Variants in SNTG1 observed in about 807,000 individuals in gnomAD.
The protein encoded by SNTG1 is syntrophin gamma 1.
SNTG1 carries 39 observed loss-of-function variants against 74.7 expected under a neutral mutation model. The ratio of observed to expected loss-of-function variants is 0.52; its 90% confidence interval spans 0.40 to 0.68. SNTG1 has a LOEUF of 0.68. Among genes scored for constraint, SNTG1 ranks in the 30% least tolerant of loss-of-function variants. The probability of loss-of-function intolerance (pLI) is 0.00; values close to 1 mark genes in which losing one functional copy is unlikely to be tolerated. For synonymous variants in SNTG1, 254 were observed against 217.1 expected, an observed-to-expected ratio of 1.17 and a Z score of -1.49; for missense variants, 685 against 609.5, an observed-to-expected ratio of 1.12 and a Z score of -1.30.
At chr8:50,212,172 C>G (rs544988792) in intron 2 of SNTG1, among the ~76,000 whole-genome samples, 115 of 152,118 alleles carry the variant, frequency 7.6e-4, no homozygotes, top group African/African-American at 2.6e-3. Flanking sequence ...ATTTCTTGTA[C>G]AGTATCTGTT....
chr8:50,064,451 T>C (rs1026164185), intron 1 of SNTG1, among the ~76,000 whole-genome samples: 2 of 152,200 alleles, frequency 1.3e-5, no homozygotes, highest in African/African-American at 4.8e-5. Context: ...TGTACATTCA[T>C]CTCCTAATGA....
At chr8:49,917,131 G>A (rs1014346951) in intron 1 of SNTG1, among the ~76,000 whole-genome samples, 3 of 152,200 alleles carry the variant, frequency 2.0e-5, no homozygotes, top group East Asian at 1.9e-4. Flanking sequence ...GTATTTTATG[G>A]TTAAAAATGC....
chr8:50,532,887 C>T (rs771109564), intron 10 of SNTG1, among the ~76,000 whole-genome samples: 1 of 152,182 alleles, frequency 6.6e-6, no homozygotes, highest in Non-Finnish European at 1.5e-5. Context: ...GGCTCACAAA[C>T]TGCCTTTTCA....
At chr8:50,783,032 G>A (rs896353909) in intron 18 of SNTG1, among the ~76,000 whole-genome samples, 3 of 152,108 alleles carry the variant, frequency 2.0e-5, no homozygotes, top group Non-Finnish European at 4.4e-5. Flanking sequence ...TTCATGAACC[G>A]CAAATGCTGC....
At position 50,702,856 on chromosome 8, in the gene SNTG1, A is replaced by C. The variant is rs2095430825; in HGVS notation, c.1039-1744A>C. ...TGACTGTATTGAATACTGTAGGCAAAAGTAACATAATGGTAAGTAGTTGTT... is the reference window on the plus strand; with the variant it reads ...TGACTGTATTGAATACTGTAGGCAACAGTAACATAATGGTAAGTAGTTGTT... On this transcript the variant is annotated intron_variant, in intron 15 of 18. Coordinates refer to ENST00000642720, the MANE Select transcript of SNTG1 (RefSeq NM_018967.5). 2.6e-5 allele frequency among the ~76,000 whole-genome samples: 4 copies of C among 152,188 alleles called. No individual in the cohort carries two copies. The South Asian group carries it at 8.3e-4, about 31-fold the overall frequency.
chr8:50,783,052 G>A (rs995147015), intron 18 of SNTG1, among the ~76,000 whole-genome samples: 2 of 152,116 alleles, frequency 1.3e-5, no homozygotes, highest in Non-Finnish European at 2.9e-5. Flanking sequence ...CTGTCTGATC[G>A]TTCCTCTGAT....
rs1585465959 is a variant in SNTG1 at position 49,911,635 on chromosome 8, G to A, written c.-699G>A. The stretch of plus-strand genomic sequence containing the variant: ...CGGAAGACAAGGAAGCTGCTGCTTG[G>A]ATTCGCTGGTGGAGGAAAGTGCGAC... On this transcript the variant is annotated 5_prime_UTR_variant, in exon 1 of 19. Coordinates refer to ENST00000642720, the MANE Select transcript of SNTG1 (RefSeq NM_018967.5). The A allele has an allele frequency of 6.6e-6, 1 of 152,348 alleles. No individual in the cohort carries two copies. The highest frequency in any genetic ancestry group is 1.5e-5 in the Non-Finnish European group (1 of 68,080). 9.4% of individuals were successfully genotyped at this position (152,348 alleles called of 1,614,324 possible).
intron 15 of SNTG1, among the ~76,000 whole-genome samples, chr8:50,687,912 C>G (rs1212650345): frequency 6.6e-6 from 1 of 152,210 alleles, no homozygotes; most frequent in Non-Finnish European, 1.5e-5. Flanking sequence ...TCCTCTCCAG[C>G]ACCTGTTGTT....
chr8:50,770,929 CCA>C (rs2095625535), intron 18 of SNTG1, among the ~76,000 whole-genome samples: 2 of 152,246 alleles, frequency 1.3e-5, no homozygotes, highest in South Asian at 4.1e-4. Flanking sequence ...AAGGCAGTCA[CCA>C]GATGTGGCTG....
At chr8:50,516,479 G>A (rs2094134990) in intron 9 of SNTG1, among the ~76,000 whole-genome samples, 1 of 151,958 alleles carries the variant, frequency 6.6e-6, no homozygotes, top group Admixed American at 6.6e-5. Flanking sequence ...TTCAGAAGGT[G>A]GGTAATAACA....
chr8:50,588,115 G>A (rs150964062), intron 12 of SNTG1, among the ~76,000 whole-genome samples: 3,158 of 146,216 alleles, frequency 0.022, 57 homozygotes, highest in African/African-American at 0.045. Flanking sequence ...ATGAGACTCC[G>A]ACTCAAAAAA....
intron 18 of SNTG1, among the ~76,000 whole-genome samples, chr8:50,789,316 C>T (rs2095684774): frequency 6.6e-6 from 1 of 151,932 alleles, no homozygotes; most frequent in Non-Finnish European, 1.5e-5. Flanking sequence ...ACAGCTATTT[C>T]TTCTTTGCTG....
At chr8:49,980,663 A>C (rs994428312) in intron 1 of SNTG1, among the ~76,000 whole-genome samples, 1 of 151,992 alleles carries the variant, frequency 6.6e-6, no homozygotes, top group African/African-American at 2.4e-5. Flanking sequence ...AAATAAAATA[A>C]ATTGTACTTT....
chr8:50,248,426 TG>T (rs1207184556), intron 2 of SNTG1, among the ~76,000 whole-genome samples: 1 of 152,222 alleles, frequency 6.6e-6, no homozygotes, highest in East Asian at 1.9e-4. Flanking sequence ...TATACATCTT[TG>T]CATTTCCAAA....
intron 18 of SNTG1, among the ~76,000 whole-genome samples, chr8:50,763,304 C>G (rs1212959132): frequency 2.6e-5 from 4 of 151,840 alleles, no homozygotes; most frequent in Non-Finnish European, 5.9e-5. Flanking sequence ...CCTGAAGCCC[C>G]TGATACTCAG....
intron 1 of SNTG1, among the ~76,000 whole-genome samples, chr8:50,117,069 T>C (rs1393979859): frequency 6.6e-6 from 1 of 152,090 alleles, no homozygotes; most frequent in Admixed American, 6.6e-5. Context: ...AATTTTAACA[T>C]CACGGTTTAC....
intron 18 of SNTG1, among the ~76,000 whole-genome samples, chr8:50,759,780 A>G (rs1235445823): frequency 6.6e-6 from 1 of 152,102 alleles, no homozygotes; most frequent in Non-Finnish European, 1.5e-5. Context: ...AGGTAGCATG[A>G]TGCCTCCAGC....
At chr8:50,325,270 G>A (rs1279201580) in intron 2 of SNTG1, among the ~76,000 whole-genome samples, 1 of 151,402 alleles carries the variant, frequency 6.6e-6, no homozygotes, top group Non-Finnish European at 1.5e-5. Context: ...ACTCTCTAAG[G>A]CTTCTACTGG....
chr8:50,012,139 A>T (rs1043325370), intron 1 of SNTG1, among the ~76,000 whole-genome samples: 4 of 152,242 alleles, frequency 2.6e-5, no homozygotes, highest in African/African-American at 7.2e-5. Flanking sequence ...TTTCAATTTT[A>T]AAAAGTGTTT....
Sources: allele counts gnomAD v4.1 joint callset (sites outside exome capture counted in the v4.1 genomes callset), GRCh38; gene constraint gnomAD v4.1.1; transcripts MANE v1.5; gene names NCBI Gene and HGNC (gene_info 2026-07-23, HGNC 2026-07-21).